Variants in ADSS1 observed in about 807,000 individuals in gnomAD.
The protein encoded by ADSS1 is adenylosuccinate synthase 1.
ADSS1 carries 57 observed loss-of-function variants against 59.1 expected under a neutral mutation model. The observed-to-expected ratio is 0.97, with a 90% CI of 0.78 to 1.20. The LOEUF (loss-of-function observed/expected upper bound fraction) is 1.20, where lower values mean the gene tolerates loss of function less well. Ranked by LOEUF, ADSS1 falls within the 50% of genes most tolerant of loss-of-function variation. ADSS1 has a pLI of 0.00. For synonymous variants in ADSS1, 247 were observed against 249.4 expected (o/e 0.99, Z 0.09); for missense variants, 603 against 610.3 (o/e 0.99, Z 0.13).
intron 1 of ADSS1, among the ~76,000 whole-genome samples, chr14:104,729,487 GA>G (rs1890822219): frequency 6.8e-6 from 1 of 147,192 alleles, no homozygotes; most frequent in African/African-American, 2.6e-5. Context: ...GTCGGCGTGG[GA>G]GGGAGGAGGT....
rs143062280 is a variant in ADSS1 at position 104,739,773 on chromosome 14, G to A, written c.433G>A (p.Asp145Asn). ...AGTGTTTGATTTTCACCAGGCTGTCGACGGACTTCAGGAAGTGCAGCGCCA... is the reference window on the plus strand; with the variant it reads ...AGTGTTTGATTTTCACCAGGCTGTCAACGGACTTCAGGAAGTGCAGCGCCA... Reference protein sequence around the residue: ...HLVFDFHQAVDGLQEVQRQAQ... With the variant: ...HLVFDFHQAVNGLQEVQRQAQ... The change falls in exon 5 of 13, where the codon GAC (aspartate) becomes AAC (asparagine). Residue 145 changes from aspartate to asparagine, a missense_variant. Asp to Asn is a conservative substitution (Grantham distance 23). Transcript: ENST00000330877. 5.0e-4 allele frequency: 806 copies of A among 1,613,854 alleles called. 2 individuals are homozygous for A. The highest frequency in any genetic ancestry group is 1.3e-3 in the Middle Eastern group (8 of 6,058).
intron 2 of ADSS1, chr14:104,737,307 C>G (rs1395055278): frequency 6.6e-6 from 1 of 152,196 alleles, no homozygotes; most frequent in Non-Finnish European, 1.5e-5. Context: ...TTTGCCTTTT[C>G]CAGAATCTCA....
At position 104,747,033 on chromosome 14, in the gene ADSS1, T is replaced by C. The variant is rs1891591190; in HGVS notation, c.*30T>C. 4.4e-6 allele frequency: 7 copies of C among 1,600,402 alleles called. No individual in the cohort carries two copies. In the Admixed American group the frequency reaches 1.0e-4, roughly 23 times the overall value. ...AGACTGAGCTGATCCCAACAGGCCC[T>C]GGCAGCGTCTGGACTTGTGTAAACA... On this transcript the variant is annotated 3_prime_UTR_variant, in exon 13 of 13. Coordinates refer to ENST00000330877, the MANE Select transcript of ADSS1 (RefSeq NM_152328.5).
intron 4 of ADSS1, 164 bp downstream of exon 4, chr14:104,739,542 G>A: frequency 2.1e-6 from 2 of 965,442 alleles, no homozygotes; most frequent in Admixed American, 4.6e-5. Context: ...GCTTCAAGTT[G>A]GGAGCTGGGT....
At chr14:104,729,002 C>T (rs1158173866) in intron 1 of ADSS1, among the ~76,000 whole-genome samples, 4 of 152,164 alleles carry the variant, frequency 2.6e-5, no homozygotes, top group Admixed American at 6.5e-5. Flanking sequence ...ACATGCAGTC[C>T]GCTAACGCTG....
Position 104,747,032 on chromosome 14 carries a change from C to T in ADSS1, c.*29C>T. Reference sequence around the variant, plus strand: ...CAGACTGAGCTGATCCCAACAGGCCCTGGCAGCGTCTGGACTTGTGTAAAC... The same window carrying T: ...CAGACTGAGCTGATCCCAACAGGCCTTGGCAGCGTCTGGACTTGTGTAAAC... On this transcript the variant is annotated 3_prime_UTR_variant, in exon 13 of 13. Transcript: ENST00000330877. 6.2e-7 allele frequency: 1 copy of T among 1,600,574 alleles called. No homozygotes were observed. Among genetic ancestry groups the T allele is most frequent in the African/African-American group, 1.3e-5 (1 of 74,794 alleles).
At position 104,730,077 on chromosome 14, in the gene ADSS1, G is replaced by T. The variant is rs758133136; in HGVS notation, c.193-4943G>T. The T allele has an allele frequency of 3.8e-6, 6 of 1,559,652 alleles. No individual in the cohort carries two copies. The highest frequency in any genetic ancestry group is 4.3e-6 in the Non-Finnish European group (5 of 1,151,856). On this transcript the variant is annotated intron_variant, in intron 1 of 12. Transcript: ENST00000330877. ...GCTCAGCCCACCCCTCACCTTCCCA[G>T]TGCCTGTGGAGGCCCAACTAGGGTG... is the stretch of plus-strand genomic sequence containing the variant.
intron 2 of ADSS1, among the ~76,000 whole-genome samples, chr14:104,735,440 G>T (rs151043034): frequency 6.6e-6 from 1 of 152,242 alleles, no homozygotes; most frequent in East Asian, 1.9e-4. Context: ...TCCTGTGTGG[G>T]CATGGAGACC....
chr14:104,744,764 C>A, intron 10 of ADSS1, 48 bp from the exon 11 acceptor site: 1 of 1,571,018 alleles, frequency 6.4e-7, no homozygotes, highest in Non-Finnish European at 8.8e-7. Context: ...GAAACCCCAG[C>A]ACTGCTGACC....
At chr14:104,724,680 T>C (rs1014664032) in intron 1 of ADSS1, among the ~76,000 whole-genome samples, 1 of 151,246 alleles carries the variant, frequency 6.6e-6, no homozygotes, top group Non-Finnish European at 1.5e-5. Flanking sequence ...CACCCACCCC[T>C]ACTCCACCAC....
At chr14:104,733,854 C>T (rs1018881968) in intron 1 of ADSS1, among the ~76,000 whole-genome samples, 5 of 152,152 alleles carry the variant, frequency 3.3e-5, no homozygotes, top group Admixed American at 6.5e-5. Context: ...TGCTTACCCT[C>T]CAGGTGGAGC....
At chr14:104,729,509 T>TGGGGGAGGAGCGTGGCGTCGGCGTCG (rs1890824877) in intron 1 of ADSS1, among the ~76,000 whole-genome samples, 3 of 60,804 alleles carry the variant, frequency 4.9e-5, no homozygotes, top group Admixed American at 3.6e-4. Flanking sequence ...AGCGTCGGCG[T>TGGGGGAGGAGCGTGGCGTCGGCGTCG]GGGGGAGGAG....
chr14:104,724,474 G>T lies in ADSS1; in HGVS notation c.192+12G>T. 1 of 1,239,516 alleles carries T rather than the reference G, an allele frequency of 8.1e-7. No individual in the cohort carries two copies. The allele number at this position is 1,239,516 out of a possible 1,614,324, so 76.8% of individuals were successfully genotyped here. A position where few individuals can be genotyped will look rare whatever the true frequency, so the allele number is the denominator to read the frequency against. On this transcript the variant is annotated intron_variant, in intron 1 of 12. Coordinates refer to ENST00000330877, the MANE Select transcript of ADSS1 (RefSeq NM_152328.5). ...TCAGCCGCTGCCAGGTGCGGGCTGG[G>T]GCGCCGGGTCCCTCCCCCACCGCCC... is the stretch of plus-strand genomic sequence containing the variant.
chr14:104,738,673 G>T (rs1025578515), intron 3 of ADSS1, among the ~76,000 whole-genome samples: 9 of 152,256 alleles, frequency 5.9e-5, no homozygotes, highest in Admixed American at 4.6e-4. Flanking sequence ...GGTAGCACCT[G>T]GGAAGTCCAG....
intron 11 of ADSS1, chr14:104,745,169 T>A: frequency 2.4e-6 from 1 of 423,844 alleles, no homozygotes; most frequent in Non-Finnish European, 4.3e-6. Flanking sequence ...GGGGACAGAC[T>A]ACTCGCCTGG....
Position 104,724,284 on chromosome 14 carries a change from G to A in ADSS1, c.14G>A (p.Arg5Gln), listed in dbSNP as rs1595190434. 3.2e-6 allele frequency: 4 copies of A among 1,230,802 alleles called. No individual in the cohort carries two copies. The highest frequency in any genetic ancestry group is 3.1e-4 in the Middle Eastern group (1 of 3,192). 76.2% of individuals were successfully genotyped at this position (1,230,802 alleles called of 1,614,324 possible). ...AGCCAAGCCAGCATGTCGGGGACCC[G>A]AGCCTCCAACGACCGGCCCCCCGGC... is the stretch of plus-strand genomic sequence containing the variant. MSGTRASNDRPPGAG... is the reference protein window; with the variant it reads MSGTQASNDRPPGAG... The change falls in exon 1 of 13, where the codon CGA (arginine) becomes CAA (glutamine). Residue 5 changes from arginine (R) to glutamine (Q), a missense_variant. By Grantham distance (43) the Arg-to-Gln change is conservative (BLOSUM62 1). Coordinates refer to ENST00000330877, the MANE Select transcript of ADSS1 (RefSeq NM_152328.5).
intron 1 of ADSS1, among the ~76,000 whole-genome samples, chr14:104,731,801 G>A (rs1566795529): frequency 6.6e-6 from 1 of 152,210 alleles, no homozygotes; most frequent in Non-Finnish European, 1.5e-5. Flanking sequence ...TGCCCTGGGG[G>A]CTCGGCACTG....
rs182153544 is a variant in ADSS1 at position 104,730,818 on chromosome 14, G to A, written c.193-4202G>A. Among the ~76,000 whole-genome samples the A allele has an allele frequency of 3.9e-4, 60 of 152,162 alleles. No individual in the cohort carries two copies. The East Asian group carries it at 0.011, about 28-fold the overall frequency. On this transcript the variant is annotated intron_variant, in intron 1 of 12. Coordinates refer to ENST00000330877, the MANE Select transcript of ADSS1 (RefSeq NM_152328.5). The stretch of plus-strand genomic sequence containing the variant: ...GTGGACCCGCAGGGACAAAGCAGGG[G>A]TCAGAGCTGTGTTTGGTTCCTGAGT...
In ADSS1 at chr14:104,738,543, G is replaced by T. The variant is rs1437673210; in HGVS notation, c.358+105G>T. Reference sequence around the variant, plus strand: ...TTTCTCCCACGGAGGGGACTGGCAGGGGTGGGTTCCCAACATAGCTGGCCC... The same window carrying T: ...TTTCTCCCACGGAGGGGACTGGCAGTGGTGGGTTCCCAACATAGCTGGCCC... On this transcript the variant is annotated intron_variant, in intron 3 of 12. Coordinates refer to ENST00000330877, the MANE Select transcript of ADSS1 (RefSeq NM_152328.5). 6 of 1,336,224 alleles carry T rather than the reference G, an allele frequency of 4.5e-6. No homozygotes were observed. The East Asian group carries it at 1.2e-4, about 27-fold the overall frequency. 82.8% of individuals were successfully genotyped at this position (1,336,224 alleles called of 1,614,324 possible).
Sources: allele counts gnomAD v4.1 joint callset (sites outside exome capture counted in the v4.1 genomes callset), GRCh38; gene constraint gnomAD v4.1.1; transcripts MANE v1.5; gene names NCBI Gene and HGNC (gene_info 2026-07-23, HGNC 2026-07-21).